The following GALNTL6 variants were observed in gnomAD, a reference collection of about 807,000 sequenced individuals.
GALNTL6 encodes the protein polypeptide N-acetylgalactosaminyltransferase like 6.
Under a neutral mutation model 73.7 loss-of-function variants are expected in GALNTL6, and 46 were observed. The observed-to-expected ratio is 0.62, with a 90% CI of 0.49 to 0.80. GALNTL6 has a LOEUF of 0.80. Ranked by LOEUF, GALNTL6 falls within the 30% of genes least tolerant of loss-of-function variation. The pLI is 0.00. For missense variants in GALNTL6, 604 were observed against 755.0 expected (o/e 0.80, Z 2.34); for synonymous variants, 259 against 263.7 (o/e 0.98, Z 0.17).
At chr4:172,185,387 T>G (rs910760631) in intron 2 of GALNTL6, among the ~76,000 whole-genome samples, 4 of 152,214 alleles carry the variant, frequency 2.6e-5, no homozygotes, top group Non-Finnish European at 4.4e-5. Flanking sequence ...GGAAATACGC[T>G]AAATGATCGT....
chr4:172,855,993 C>T (rs989419951), intron 7 of GALNTL6, among the ~76,000 whole-genome samples: 14 of 152,194 alleles, frequency 9.2e-5, no homozygotes, highest in African/African-American at 2.9e-4. Context: ...TCCAGGCCAA[C>T]GATCCACATT....
chr4:172,370,040 C>G (rs923108274), intron 5 of GALNTL6, among the ~76,000 whole-genome samples: 1 of 152,194 alleles, frequency 6.6e-6, no homozygotes, highest in Non-Finnish European at 1.5e-5. Flanking sequence ...TGCCTCTAAA[C>G]AGGACACCCC....
chr4:173,007,677 A>T (rs377201427), intron 10 of GALNTL6, among the ~76,000 whole-genome samples: 9 of 152,130 alleles, frequency 5.9e-5, no homozygotes, highest in African/African-American at 2.2e-4. Context: ...GTGGTGGCAC[A>T]CGCCTGTAAT....
chr4:171,871,023 G>C (rs1024298350), intron 2 of GALNTL6, among the ~76,000 whole-genome samples: 26 of 152,064 alleles, frequency 1.7e-4, no homozygotes, highest in Admixed American at 1.6e-3. Context: ...TAAGATGAAG[G>C]AAGATCATTA....
At chr4:172,481,355 G>A (rs1294688868) in intron 5 of GALNTL6, among the ~76,000 whole-genome samples, 2 of 152,122 alleles carry the variant, frequency 1.3e-5, no homozygotes, top group Non-Finnish European at 2.9e-5. Context: ...GACCCAAAGA[G>A]TGAGCACCAG....
chr4:172,091,437 C>T (rs1026681699), intron 2 of GALNTL6, among the ~76,000 whole-genome samples: 2 of 152,120 alleles, frequency 1.3e-5, no homozygotes, highest in Admixed American at 1.3e-4. Flanking sequence ...CTTCAGATTC[C>T]TGGGCCTGCC....
At chr4:172,319,308 G>T (rs1740677466) in intron 4 of GALNTL6, among the ~76,000 whole-genome samples, 1 of 152,130 alleles carries the variant, frequency 6.6e-6, no homozygotes, top group South Asian at 2.1e-4. Context: ...TAAATCTAAT[G>T]CTCATTCAAA....
At chr4:172,133,571 T>C (rs574070317) in intron 2 of GALNTL6, among the ~76,000 whole-genome samples, 17 of 152,286 alleles carry the variant, frequency 1.1e-4, no homozygotes, top group Admixed American at 1.1e-3. Flanking sequence ...GAAACTATGG[T>C]GGATATCAAT....
chr4:172,304,117 G>A (rs978908129), intron 3 of GALNTL6, among the ~76,000 whole-genome samples: 1 of 152,120 alleles, frequency 6.6e-6, no homozygotes, highest in African/African-American at 2.4e-5. Flanking sequence ...GTTAATAACT[G>A]TGGTGTTCAT....
chr4:172,120,181 C>G (rs1179619257), intron 2 of GALNTL6, among the ~76,000 whole-genome samples: 3 of 152,164 alleles, frequency 2.0e-5, no homozygotes, highest in African/African-American at 7.2e-5. Context: ...ACCCTTCTTT[C>G]ATAGTTTCCA....
At chr4:171,913,968 A>G (rs1396714977) in intron 2 of GALNTL6, among the ~76,000 whole-genome samples, 1 of 152,174 alleles carries the variant, frequency 6.6e-6, no homozygotes, top group Non-Finnish European at 1.5e-5. Flanking sequence ...GAAATGTAAA[A>G]ATGCATTTTA....
intron 3 of GALNTL6, among the ~76,000 whole-genome samples, chr4:172,271,780 A>T (rs1177101940): frequency 6.6e-6 from 1 of 152,090 alleles, no homozygotes; most frequent in Non-Finnish European, 1.5e-5. Flanking sequence ...ACATACAGAG[A>T]TAACAAACAG....
In GALNTL6 at chr4:171,853,015, T is replaced by C. The variant is rs1005161559; in HGVS notation, c.138+38297T>C. Among the ~76,000 whole-genome samples, 12 of 135,214 alleles carry C rather than the reference T, an allele frequency of 8.9e-5. 1 individual carries two copies. Among genetic ancestry groups the C allele is most frequent in the South Asian group, 2.6e-4 (1 of 3,874 alleles). 88.7% of individuals were successfully genotyped at this position (135,214 alleles called of 152,430 possible). A position where few individuals can be genotyped will look rare whatever the true frequency, so the allele number is the denominator to read the frequency against. On this transcript the variant is annotated intron_variant, in intron 2 of 12. Transcript: ENST00000506823. Reference sequence around the variant, plus strand: ...GCGCCGCCACCACGCCCGGCTAATTTTTTTTTTTTTTTTTTTTTTTTGTAT... The same window carrying C: ...GCGCCGCCACCACGCCCGGCTAATTCTTTTTTTTTTTTTTTTTTTTTGTAT...
At chr4:172,135,615 C>T (rs905631155) in intron 2 of GALNTL6, among the ~76,000 whole-genome samples, 11 of 152,108 alleles carry the variant, frequency 7.2e-5, no homozygotes, top group African/African-American at 1.2e-4. Context: ...ATTTAACATA[C>T]GTTAATGCTT....
intron 5 of GALNTL6, among the ~76,000 whole-genome samples, chr4:172,771,246 A>G (rs928781234): frequency 6.6e-6 from 1 of 152,222 alleles, no homozygotes; most frequent in African/African-American, 2.4e-5. Flanking sequence ...TGCCTGAGAT[A>G]ATCTAGTGAA....
At chr4:172,005,422 A>G (rs973344342) in intron 2 of GALNTL6, among the ~76,000 whole-genome samples, 1 of 152,124 alleles carries the variant, frequency 6.6e-6, no homozygotes. Context: ...CCACTGCCCC[A>G]GGACTTAAAA....
chr4:172,337,732 T>G (rs1741394633), intron 4 of GALNTL6, among the ~76,000 whole-genome samples: 1 of 150,622 alleles, frequency 6.6e-6, no homozygotes, highest in African/African-American at 2.4e-5. Context: ...CCTTGATCAG[T>G]CTGGTGATTA....
chr4:172,398,886 G>A (rs746568214), intron 5 of GALNTL6, among the ~76,000 whole-genome samples: 28 of 151,294 alleles, frequency 1.9e-4, no homozygotes, highest in East Asian at 5.8e-4. Flanking sequence ...TGGACAAGCC[G>A]ACTGAAAACA....
At chr4:171,838,319 C>T (rs2110838332) in intron 2 of GALNTL6, among the ~76,000 whole-genome samples, 1 of 152,026 alleles carries the variant, frequency 6.6e-6, no homozygotes, top group African/African-American at 2.4e-5. Context: ...GAGGGGGTTT[C>T]ACCATGTTGG....
Sources: gnomAD v4.1 joint callset for allele counts (sites outside exome capture counted in the v4.1 genomes callset) on GRCh38, gnomAD v4.1.1 for gene constraint, MANE v1.5 for transcripts, NCBI Gene and HGNC (gene_info 2026-07-23, HGNC 2026-07-21) for gene names.